The following STAT5B variants were observed in gnomAD, a reference collection of about 807,000 sequenced individuals.
STAT5B encodes the protein transcription factor STAT5B.
In STAT5B, 21 loss-of-function variants were observed where a neutral mutation model predicts 107.8. The observed-to-expected ratio is 0.19, with a 90% CI of 0.14 to 0.28. STAT5B has a LOEUF of 0.28. Ranked by LOEUF, STAT5B falls within the 10% of genes least tolerant of loss-of-function variation. STAT5B has a pLI of 1.00. For synonymous variants in STAT5B, 325 were observed against 401.7 expected, an observed-to-expected ratio of 0.81 and a Z score of 2.28; for missense variants, 565 against 1,008.2, an observed-to-expected ratio of 0.56 and a Z score of 5.95.
At chr17:42,265,233 T>C (rs2080657515) in intron 1 of STAT5B, among the ~76,000 whole-genome samples, 1 of 152,134 alleles carries the variant, frequency 6.6e-6, no homozygotes, top group Non-Finnish European at 1.5e-5. Flanking sequence ...TTTGTCAATT[T>C]TGTCTTTTGT....
At chr17:42,282,726 C>G in the STAT5B span, among the ~76,000 whole-genome samples, 42 of 152,336 alleles carry the variant, frequency 2.8e-4, no homozygotes, top group African/African-American at 9.9e-4. Flanking sequence ...GGCAGACTCA[C>G]TCACTCAAGA....
intron 12 of STAT5B, 71 bp downstream of exon 12, chr17:42,215,943 G>A: frequency 1.4e-5 from 21 of 1,520,318 alleles, no homozygotes; most frequent in Non-Finnish European, 1.7e-5. Flanking sequence ...TTTTTAAAAG[G>A]ATAATACATA....
At chr17:42,277,081 C>T (rs551334806), upstream of STAT5B, among the ~76,000 whole-genome samples, 1 of 152,202 alleles carries the variant, frequency 6.6e-6, no homozygotes, top group Non-Finnish European at 1.5e-5. Flanking sequence ...GGACTGCTCT[C>T]TCTAGAGAAG....
At chr17:42,288,227 C>T in the STAT5B span, 7 of 152,212 alleles carry the variant, frequency 4.6e-5, no homozygotes, top group African/African-American at 9.6e-5. The surrounding 1 kb of genome is among the most constrained non-coding windows in gnomAD (Gnocchi z 4.8). Context: ...TGACCCGCCC[C>T]GGTTCCGGGA....
At chr17:42,271,076 T>C (rs908421483) in intron 1 of STAT5B, 4 of 152,268 alleles carry the variant, frequency 2.6e-5, no homozygotes, top group Non-Finnish European at 5.9e-5. Flanking sequence ...ATCATAATGA[T>C]TAGATACATA....
At chr17:42,245,794 A>T (rs28420465) in intron 1 of STAT5B, among the ~76,000 whole-genome samples, 1 of 151,508 alleles carries the variant, frequency 6.6e-6, no homozygotes, top group Non-Finnish European at 1.5e-5. Context: ...AAAGTGCTGG[A>T]ATTACAGGCG....
intron 18 of STAT5B, 144 bp downstream of exon 18, chr17:42,202,196 C>T (rs1023149772): frequency 2.0e-6 from 2 of 981,608 alleles, no homozygotes; most frequent in Non-Finnish European, 3.1e-6. Context: ...TCTCTCCCTC[C>T]CAAAGGCCAG....
intron 1 of STAT5B, among the ~76,000 whole-genome samples, chr17:42,262,993 TATATATATATATATATATATATAAA>T (rs2080628598): frequency 3.0e-5 from 2 of 67,522 alleles, no homozygotes; most frequent in African/African-American, 1.3e-4. Flanking sequence ...TATATATATA[TATATATATATATATATATATATAAA>T]AAAACAAAAA....
chr17:42,202,614 G>C, intron 17 of STAT5B, 143 bp downstream of exon 17: 1 of 1,485,694 alleles, frequency 6.7e-7, no homozygotes. Context: ...TACTGGCATA[G>C]CATCACCAAG....
chr17:42,270,557 A>G (rs887016235), intron 1 of STAT5B: 2 of 152,240 alleles, frequency 1.3e-5, no homozygotes, highest in Non-Finnish European at 2.9e-5. Context: ...AATTTCCACC[A>G]GAAGTATATA....
intron 1 of STAT5B, among the ~76,000 whole-genome samples, chr17:42,259,157 G>A (rs2080572462): frequency 6.6e-6 from 1 of 152,158 alleles, no homozygotes; most frequent in Non-Finnish European, 1.5e-5. Context: ...AGGGTGGGCT[G>A]TTTATTTTTA....
intron 1 of STAT5B, among the ~76,000 whole-genome samples, chr17:42,265,389 T>TTTTTTTTTTTTTTTTTTG (rs2080660859): frequency 6.7e-6 from 1 of 149,376 alleles, no homozygotes; most frequent in African/African-American, 2.5e-5. Flanking sequence ...TTTTTTTTTT[T>TTTTTTTTTTTTTTTTTTG]GAGACGAAGT....
At position 42,209,056 on chromosome 17, in the gene STAT5B, A is replaced by G. The variant is rs868712034; in HGVS notation, c.1906+1115T>C. On this transcript the variant is annotated intron_variant, in intron 15 of 18. Coordinates refer to ENST00000293328, the MANE Select transcript of STAT5B (RefSeq NM_012448.4). ...CCTTTTTTTTTTTTTCTTTTAAGAG[A>G]CAGGGTCTTACTCTGTTGCCCAGGC... 3.7e-4 allele frequency among the ~76,000 whole-genome samples: 47 copies of G among 128,546 alleles called. 1 individual carries two copies. Among genetic ancestry groups the G allele is most frequent in the Admixed American group, 5.9e-4 (7 of 11,892 alleles). The allele number at this position is 128,546 out of a possible 152,430, so 84.3% of individuals were successfully genotyped here. A position where few individuals can be genotyped will look rare whatever the true frequency, so the allele number is the denominator to read the frequency against.
At chr17:42,252,231 G>C (rs1452894384) in intron 1 of STAT5B, among the ~76,000 whole-genome samples, 3 of 152,114 alleles carry the variant, frequency 2.0e-5, no homozygotes, top group African/African-American at 7.2e-5. Flanking sequence ...CCTAGGAAAA[G>C]TGCCTCAAAC....
intron 1 of STAT5B, among the ~76,000 whole-genome samples, chr17:42,251,774 C>T (rs1158451850): frequency 6.6e-6 from 1 of 151,678 alleles, no homozygotes; most frequent in Non-Finnish European, 1.5e-5. Context: ...CCAAGGTAGG[C>T]GAATCACAAG....
At chr17:42,272,427 A>G (rs1290051719) in intron 1 of STAT5B, 2 of 152,200 alleles carry the variant, frequency 1.3e-5, no homozygotes, top group Admixed American at 6.5e-5. Flanking sequence ...TCTTAGTGCT[A>G]TACATTTTCC....
intron 16 of STAT5B, among the ~76,000 whole-genome samples, chr17:42,205,113 C>T (rs2080075527): frequency 1.3e-5 from 2 of 152,070 alleles, no homozygotes; most frequent in African/African-American, 4.8e-5. Flanking sequence ...CTGCAACCTC[C>T]GCCTCCCGGG....
intron 5 of STAT5B, among the ~76,000 whole-genome samples, chr17:42,220,629 C>G (rs893761344): frequency 6.6e-6 from 1 of 152,122 alleles, no homozygotes; most frequent in Non-Finnish European, 1.5e-5. Context: ...GACAGACAGA[C>G]AGACCGCAGA....
Position 42,220,249 on chromosome 17 carries a change from G to A in STAT5B, c.551-407C>T, listed in dbSNP as rs1264970683. Among the ~76,000 whole-genome samples the A allele has an allele frequency of 3.3e-5, 5 of 152,170 alleles. No individual in the cohort carries two copies. In the East Asian group the frequency reaches 5.8e-4, roughly 18 times the overall value. On this transcript the variant is annotated intron_variant, in intron 5 of 18. Coordinates refer to ENST00000293328, the MANE Select transcript of STAT5B (RefSeq NM_012448.4). ...AAATCGCTTTCCTTTCCTGTGCCTT[G>A]GCTTCCCCACGTGTAAAACGGGAGA...
Sources: gnomAD v4.1 joint callset for allele counts (sites outside exome capture counted in the v4.1 genomes callset) on GRCh38, gnomAD v4.1.1 for gene constraint, Gnocchi (gnomAD v3.1) non-coding constraint, MANE v1.5 for transcripts, NCBI Gene and HGNC (gene_info 2026-07-23, HGNC 2026-07-21) for gene names.